Variants in BRD3 observed in about 807,000 individuals in gnomAD.
The protein encoded by BRD3 is bromodomain-containing protein 3.
BRD3 carries 17 observed loss-of-function variants against 66.8 expected under a neutral mutation model. The observed-to-expected ratio is 0.25, with a 90% CI of 0.17 to 0.38. BRD3 has a LOEUF of 0.38. Among genes scored for constraint, BRD3 ranks in the 10% least tolerant of loss-of-function variants. The pLI is 1.00. For synonymous variants in BRD3, 421 were observed against 393.2 expected, an observed-to-expected ratio of 1.07 and a Z score of -0.84; for missense variants, 713 against 956.1, an observed-to-expected ratio of 0.75 and a Z score of 3.35.
rs2132393673 is a variant in BRD3 at position 134,040,182 on chromosome 9, T to C, written c.1495A>G (p.Lys499Glu). The C allele has an allele frequency of 6.4e-7, 1 of 1,566,090 alleles. No individual in the cohort carries two copies. Among genetic ancestry groups the C allele is most frequent in the Non-Finnish European group, 8.7e-7 (1 of 1,155,594 alleles). The change falls in exon 9 of 12, where the codon AAG (lysine) becomes GAG (glutamate). Residue 499 changes from lysine to glutamate, a missense_variant. Transcript: ENST00000303407. ...TCCTTCTCCTTGTCCTTCTTCTTCTTCTCCTTCTCCTTCTTCTCCTTCTTC... is the reference window on the plus strand; with the variant it reads ...TCCTTCTCCTTGTCCTTCTTCTTCTCCTCCTTCTCCTTCTTCTCCTTCTTC... Reference protein sequence around the residue: ...KKKKEKKEKEKKKKDKEKEKE... With the variant: ...KKKKEKKEKEEKKKDKEKEKE...
At position 134,031,541 on chromosome 9, in the gene BRD3, ATATTTT is replaced by A. The variant is rs1843512473; in HGVS notation, c.*2043_*2048del. The A allele has an allele frequency of 4.9e-6, 1 of 202,392 alleles. No individual in the cohort carries two copies. The highest frequency in any genetic ancestry group is 1.0e-5 in the Non-Finnish European group (1 of 98,654). The allele number at this position is 202,392 out of a possible 1,614,324, so 12.5% of individuals were successfully genotyped here. The stretch of plus-strand genomic sequence containing the variant: ...AAAATGGAAACTTTCAAATCCATTT[ATATTTT>A]TATTATAAACAAAACTTAATTAAAA... On this transcript the variant is annotated 3_prime_UTR_variant, in exon 12 of 12. Transcript: ENST00000303407.
intron 1 of BRD3, 116 bp downstream of exon 1, chr9:134,067,829 A>C (rs1830702583): frequency 1.4e-5 from 2 of 140,530 alleles, no homozygotes; most frequent in African/African-American, 2.6e-5. Flanking sequence ...GTTCACCCGG[A>C]CGCGCCGGCG....
Position 134,031,223 on chromosome 9 carries a change from A to C in BRD3, c.*2367T>G, listed in dbSNP as rs1284365656. 1.8e-5 allele frequency: 4 copies of C among 216,864 alleles called. No individual in the cohort carries two copies. Among genetic ancestry groups the C allele is most frequent in the Non-Finnish European group, 3.7e-5 (4 of 107,834 alleles). The allele number at this position is 216,864 out of a possible 1,614,324, so 13.4% of individuals were successfully genotyped here. On this transcript the variant is annotated 3_prime_UTR_variant, in exon 12 of 12. Transcript: ENST00000303407. ...TCACAGAGAACCAGCCGAGAAGGAA[A>C]GGCCCCACGATGCTCCTGCTGCGCT...
At chr9:134,064,400 C>T (rs911242462) in intron 1 of BRD3, among the ~76,000 whole-genome samples, 13 of 151,558 alleles carry the variant, frequency 8.6e-5, no homozygotes, top group African/African-American at 3.2e-4. Context: ...AATAGCCAGG[C>T]GTGGTGGCGG....
intron 1 of BRD3, among the ~76,000 whole-genome samples, chr9:134,064,879 G>C (rs372284566): frequency 5.3e-5 from 8 of 152,206 alleles, no homozygotes; most frequent in African/African-American, 1.9e-4. Context: ...ACCTCTACAA[G>C]GTGGCAGTAC....
chr9:134,057,517 CA>C (rs976300724), intron 1 of BRD3: 3 of 152,358 alleles, frequency 2.0e-5, no homozygotes, highest in African/African-American at 7.2e-5. Context: ...CCCTTCAGCT[CA>C]CCGATGCCGA....
intron 5 of BRD3, 132 bp from the exon 6 acceptor site, chr9:134,048,586 G>A: frequency 1.5e-6 from 2 of 1,378,428 alleles, no homozygotes; most frequent in Admixed American, 3.9e-5. Flanking sequence ...CGGCCCCACA[G>A]GAGAGGACAC....
rs576419664 is a variant in BRD3 at position 134,045,226 on chromosome 9, C to T, written c.1215+67G>A. 1.1e-4 allele frequency: 173 copies of T among 1,592,024 alleles called. 1 individual carries two copies. In the African/African-American group the frequency reaches 2.0e-3, roughly 19 times the overall value. On this transcript the variant is annotated intron_variant, in intron 7 of 11. Transcript: ENST00000303407. This position sits in a 1 kb window ranked among gnomAD's most constrained non-coding sequence, Gnocchi z 4.8. ...TGGACATTCACCTGGGCGCTTACCC[C>T]ACACTGAGGCCAGGATGCCCACAGC...
intron 2 of BRD3, 72 bp downstream of exon 2, chr9:134,053,193 T>C: frequency 1.3e-6 from 2 of 1,523,858 alleles, no homozygotes; most frequent in East Asian, 2.3e-5. Context: ...CTTTCCAGGA[T>C]GGGGGCAGCA....
Position 134,032,058 on chromosome 9 carries a change from C to T in BRD3, c.*1532G>A, listed in dbSNP as rs932286817. On this transcript the variant is annotated 3_prime_UTR_variant, in exon 12 of 12. Transcript: ENST00000303407. ...GGAGGCTGGCAGGGAGCAGGCATGTCCACCCGCAAGCCTGGGAGGCTAACT... is the reference window on the plus strand; with the variant it reads ...GGAGGCTGGCAGGGAGCAGGCATGTTCACCCGCAAGCCTGGGAGGCTAACT... 1 of 218,662 alleles carries T rather than the reference C, an allele frequency of 4.6e-6. No individual in the cohort carries two copies. Among genetic ancestry groups the T allele is most frequent in the Non-Finnish European group, 9.2e-6 (1 of 108,772 alleles). The allele number at this position is 218,662 out of a possible 1,614,324, so 13.5% of individuals were successfully genotyped here.
chr9:134,043,578 G>A (rs571027534), intron 7 of BRD3, among the ~76,000 whole-genome samples: 19 of 152,334 alleles, frequency 1.2e-4, no homozygotes, highest in African/African-American at 4.1e-4. Context: ...ACAGAGCAGC[G>A]GTCCAGGCCC....
rs200602602 is a variant in BRD3 at position 134,048,283 on chromosome 9, C to T, written c.886G>A (p.Gly296Ser). 4 of 1,606,470 alleles carry T rather than the reference C, an allele frequency of 2.5e-6. No homozygotes were observed. The highest frequency in any genetic ancestry group is 1.3e-5 in the African/African-American group (1 of 75,036). The change falls in exon 6 of 12, where the codon GGC becomes AGC. Residue 296 changes from glycine (G) to serine (S), a missense_variant. Around this residue, in one of 5 missense-constraint regions of BRD3, gnomAD observed 418 missense variants for 609.3 expected, o/e 0.69. Coordinates refer to ENST00000303407, the MANE Select transcript of BRD3 (RefSeq NM_007371.4). Reference sequence around the variant, plus strand: ...TTGCCTGCGTGCTGGGGCACCTCGCCGTCCTCCAGGTCCTTCTTGGGAGGC... The same window carrying T: ...TTGCCTGCGTGCTGGGGCACCTCGCTGTCCTCCAGGTCCTTCTTGGGAGGC... ...IKPPKKDLEDGEVPQHAGKKG... is the reference protein window; with the variant it reads ...IKPPKKDLEDSEVPQHAGKKG...
chr9:134,064,344 A>G (rs1200160552), intron 1 of BRD3, among the ~76,000 whole-genome samples: 1 of 151,906 alleles, frequency 6.6e-6, no homozygotes, highest in Non-Finnish European at 1.5e-5. Context: ...CCCGGCCAAC[A>G]TGGCGAAACC....
chr9:134,045,570 C>CCTG lies in BRD3; in HGVS notation c.1087-150_1087-149insCAG. On this transcript the variant is annotated intron_variant, in intron 6 of 11. Transcript: ENST00000303407. This position sits in a 1 kb window ranked among gnomAD's most constrained non-coding sequence, Gnocchi z 4.8. ...GCCTGGCCGGCAGGACACCCCAGCT[C>CCTG]TCTGGGACCTCGTACGAGGAAACCC... 1 of 1,143,876 alleles carries CCTG rather than the reference C, an allele frequency of 8.7e-7. No individual in the cohort carries two copies. The highest frequency in any genetic ancestry group is 1.2e-6 in the Non-Finnish European group (1 of 802,250). The allele number at this position is 1,143,876 out of a possible 1,614,324, so 70.9% of individuals were successfully genotyped here. A position where few individuals can be genotyped will look rare whatever the true frequency, so the allele number is the denominator to read the frequency against.
chr9:134,040,859 T>G (rs464024), intron 8 of BRD3, among the ~76,000 whole-genome samples: 106,929 of 152,152 alleles, frequency 0.7, 38,185 homozygotes, highest in African/African-American at 0.81. Flanking sequence ...ATCCAGGGCC[T>G]CCCTGCAGCT....
chr9:134,045,332 G>A lies in BRD3; in HGVS notation c.1176C>T (p.Pro392=), dbSNP rs764917808. The change falls in exon 7 of 12, where the codon CCC becomes CCT. Residue 392 remains proline (P), a synonymous_variant. Transcript: ENST00000303407. This position sits in a 1 kb window ranked among gnomAD's most constrained non-coding sequence, Gnocchi z 4.8. ...LMFSNCYKYN[P]PDHEVVAMAR... Reference sequence around the variant, plus strand: ...CCATGGCCACAACCTCGTGGTCTGGGGGATTGTATTTGTAGCAATTCGAGA... The same window carrying A: ...CCATGGCCACAACCTCGTGGTCTGGAGGATTGTATTTGTAGCAATTCGAGA... The A allele has an allele frequency of 2.0e-5, 32 of 1,613,522 alleles. No homozygotes were observed. The South Asian group carries it at 3.3e-4, about 17-fold the overall frequency.
chr9:134,056,224 T>C (rs1830421759), intron 1 of BRD3, among the ~76,000 whole-genome samples: 1 of 152,226 alleles, frequency 6.6e-6, no homozygotes, highest in Non-Finnish European at 1.5e-5. Context: ...GGTGCCAGCA[T>C]GTGCTCACTG....
At chr9:134,043,388 C>T (rs1830101944) in intron 7 of BRD3, among the ~76,000 whole-genome samples, 1 of 152,232 alleles carries the variant, frequency 6.6e-6, no homozygotes, top group African/African-American at 2.4e-5. Flanking sequence ...CAGGGAGGCA[C>T]AGTGATGTGG....
chr9:134,063,843 G>C (rs1046991505), intron 1 of BRD3, among the ~76,000 whole-genome samples: 5 of 152,212 alleles, frequency 3.3e-5, no homozygotes, highest in Non-Finnish European at 7.3e-5. Flanking sequence ...GAAAGATCCA[G>C]CCGGCGACTC....
Sources: gnomAD v4.1 joint callset for allele counts (sites outside exome capture counted in the v4.1 genomes callset) on GRCh38, gnomAD v4.1.1 for gene constraint, gnomAD v4.1.1 regional missense constraint, Gnocchi (gnomAD v3.1) non-coding constraint, MANE v1.5 for transcripts, NCBI Gene and HGNC (gene_info 2026-07-23, HGNC 2026-07-21) for gene names.